RBFOX1: variants seen among roughly 807,000 people sequenced by gnomAD.
RBFOX1 encodes RNA binding fox-1 homolog 1, also known as RNA binding protein fox-1 homolog 1.
Under a neutral mutation model 57.7 loss-of-function variants are expected in RBFOX1, and 8 were observed. That is an observed-to-expected ratio of 0.14 (90% CI 0.08 to 0.25). The LOEUF (loss-of-function observed/expected upper bound fraction) is 0.25, where lower values mean the gene tolerates loss of function less well. Among genes scored for constraint, RBFOX1 ranks in the 10% least tolerant of loss-of-function variants. RBFOX1 has a pLI of 1.00. For missense variants in RBFOX1, 611 were observed against 548.5 expected, an observed-to-expected ratio of 1.11 and a Z score of -1.14; for synonymous variants, 326 against 222.4, an observed-to-expected ratio of 1.47 and a Z score of -4.15.
chr16:7,651,539 A>G (rs2065064413), intron 11 of RBFOX1, among the ~76,000 whole-genome samples: 1 of 152,190 alleles, frequency 6.6e-6, no homozygotes, highest in South Asian at 2.1e-4. Context: ...ACCTGGGTCC[A>G]TGCATCAGTG....
At chr16:6,361,220 A>G (rs2088440399) in intron 2 of RBFOX1, among the ~76,000 whole-genome samples, 1 of 152,176 alleles carries the variant, frequency 6.6e-6, no homozygotes, top group South Asian at 2.1e-4. Context: ...GAGGAGAAGA[A>G]AGGCACAGAG....
chr16:5,904,850 G>A (rs1415594808), intron 4 of RBFOX1, among the ~76,000 whole-genome samples: 2 of 151,222 alleles, frequency 1.3e-5, no homozygotes, highest in Non-Finnish European at 2.9e-5. Flanking sequence ...GGTGGTGGGC[G>A]CCTGTAGTCC....
rs192882954 is a variant in RBFOX1, at chr16:6,629,071, C to T, written c.-63-25532C>T. 1.8e-3 allele frequency among the ~76,000 whole-genome samples: 270 copies of T among 152,234 alleles called. 1 individual carries two copies. Among genetic ancestry groups the T allele is most frequent in the African/African-American group, 6.2e-3 (257 of 41,542 alleles). On this transcript the variant is annotated intron_variant, in intron 2 of 15. Transcript: ENST00000550418. ...CAGCATACATACTAAACCTATGATT[C>T]CATGAACAGTTTAAATGAAAGAGTA...
At chr16:6,903,429 C>G (rs867721262) in intron 3 of RBFOX1, among the ~76,000 whole-genome samples, 1 of 152,272 alleles carries the variant, frequency 6.6e-6, no homozygotes, top group East Asian at 1.9e-4. Flanking sequence ...ACGAAAGATC[C>G]GTGAAGTCTG....
chr16:7,014,700 G>C (rs2093819257), intron 3 of RBFOX1, among the ~76,000 whole-genome samples: 1 of 151,788 alleles, frequency 6.6e-6, no homozygotes, highest in African/African-American at 2.4e-5. Flanking sequence ...AGAGAGAGTG[G>C]ATGATAAACT....
At chr16:6,174,594 C>T (rs1011024044) in intron 1 of RBFOX1, among the ~76,000 whole-genome samples, 1 of 150,748 alleles carries the variant, frequency 6.6e-6, no homozygotes, top group African/African-American at 2.4e-5. Context: ...GAGCCTATCT[C>T]CAAAAAATAA....
At chr16:5,817,428 C>T (rs182535426) in intron 3 of RBFOX1, among the ~76,000 whole-genome samples, 2 of 152,196 alleles carry the variant, frequency 1.3e-5, no homozygotes, top group African/African-American at 4.8e-5. Context: ...GTGCTTGGCA[C>T]AGTGTAGGTA....
At chr16:6,930,404 A>G (rs2076310677) in intron 3 of RBFOX1, among the ~76,000 whole-genome samples, 2 of 152,032 alleles carry the variant, frequency 1.3e-5, no homozygotes, top group South Asian at 2.1e-4. Flanking sequence ...CAGGATGGCT[A>G]TTTTTGTTAT....
chr16:5,545,314 A>G (rs1597467003), intron 2 of RBFOX1, among the ~76,000 whole-genome samples: 1 of 151,978 alleles, frequency 6.6e-6, no homozygotes, highest in African/African-American at 2.4e-5. Context: ...AAATAATATC[A>G]GTTCTATACA....
intron 2 of RBFOX1, among the ~76,000 whole-genome samples, chr16:6,415,201 C>T (rs1413559649): frequency 7.1e-6 from 1 of 140,146 alleles, no homozygotes; most frequent in African/African-American, 2.8e-5. Context: ...CAAGACCATG[C>T]TATTCACTCT....
chr16:7,136,050 G>C (rs764791611), intron 4 of RBFOX1, among the ~76,000 whole-genome samples: 4 of 152,190 alleles, frequency 2.6e-5, no homozygotes, highest in Non-Finnish European at 5.9e-5. Flanking sequence ...GGTATTGTTG[G>C]AGCATATTTG....
chr16:6,399,483 C>T (rs1235092445), intron 2 of RBFOX1, among the ~76,000 whole-genome samples: 2 of 152,170 alleles, frequency 1.3e-5, no homozygotes. Context: ...TGCTCCAGTT[C>T]CCAAGAAGTT....
intron 3 of RBFOX1, among the ~76,000 whole-genome samples, chr16:5,609,522 A>G (rs1316155875): frequency 1.3e-5 from 2 of 152,196 alleles, no homozygotes; most frequent in Non-Finnish European, 2.9e-5. Context: ...ATCGTCCTGG[A>G]GTAGTGGCAG....
chr16:7,351,922 A>G (rs1283073802), intron 4 of RBFOX1, among the ~76,000 whole-genome samples: 1 of 152,186 alleles, frequency 6.6e-6, no homozygotes, highest in East Asian at 1.9e-4. Context: ...CAACCCCAGG[A>G]AAAGCCCACA....
intron 4 of RBFOX1, among the ~76,000 whole-genome samples, chr16:7,169,194 T>C (rs1473072655): frequency 6.6e-6 from 1 of 152,216 alleles, no homozygotes; most frequent in East Asian, 1.9e-4. Context: ...AGTTTCCTCA[T>C]ATTTATATGA....
intron 2 of RBFOX1, among the ~76,000 whole-genome samples, chr16:5,487,584 CG>C (rs1426862842): frequency 6.6e-6 from 1 of 152,004 alleles, no homozygotes; most frequent in Non-Finnish European, 1.5e-5. Context: ...ATGAGGAAAT[CG>C]GGGCATTGAG....
intron 4 of RBFOX1, among the ~76,000 whole-genome samples, chr16:7,276,717 T>C (rs1364127504): frequency 6.6e-6 from 1 of 152,194 alleles, no homozygotes; most frequent in Non-Finnish European, 1.5e-5. Context: ...TTTGATCGTG[T>C]TGAGGAGTAA....
chr16:7,314,159 G>C (rs2096385158), intron 4 of RBFOX1, among the ~76,000 whole-genome samples: 1 of 152,132 alleles, frequency 6.6e-6, no homozygotes, highest in Non-Finnish European at 1.5e-5. Flanking sequence ...CATCAGCACT[G>C]AGAATGATGG....
intron 3 of RBFOX1, among the ~76,000 whole-genome samples, chr16:6,718,606 A>C (rs12597292): frequency 0.077 from 11,782 of 152,080 alleles, 619 homozygotes; most frequent in East Asian, 0.29. Context: ...TGTAATCCCC[A>C]ATATTGGAGG....
Sources: allele counts gnomAD v4.1 joint callset (sites outside exome capture counted in the v4.1 genomes callset), GRCh38; gene constraint gnomAD v4.1.1; transcripts MANE v1.5; gene names NCBI Gene and HGNC (gene_info 2026-07-23, HGNC 2026-07-21).